The following TRAK1 variants were observed in gnomAD, a reference collection of about 807,000 sequenced individuals.
TRAK1 encodes trafficking kinesin-binding protein 1.
In TRAK1, 33 loss-of-function variants were observed where a neutral mutation model predicts 92.1. The observed-to-expected ratio is 0.36, with a 90% confidence interval of 0.27 to 0.48. The LOEUF is 0.48. TRAK1 is among the 20% of genes least tolerant of loss of function. The probability of loss-of-function intolerance (pLI) is 0.99; values close to 1 mark genes in which losing one functional copy is unlikely to be tolerated. For missense variants in TRAK1, 1,123 were observed against 1,257.9 expected, an observed-to-expected ratio of 0.89 and a Z score of 1.62; for synonymous variants, 521 against 517.3, an observed-to-expected ratio of 1.01 and a Z score of -0.10.
Position 42,168,355 on chromosome 3 carries a change from G to T in TRAK1, c.287-8459G>T, listed in dbSNP as rs544584551. Among the ~76,000 whole-genome samples the T allele has an allele frequency of 2.6e-5, 4 of 152,324 alleles. No individual in the cohort carries two copies. The South Asian group carries it at 8.3e-4, about 32-fold the overall frequency. On this transcript the variant is annotated intron_variant, in intron 2 of 15. Coordinates refer to ENST00000327628, the MANE Select transcript of TRAK1 (RefSeq NM_001042646.3). ...TACATTGTCATGTAACAGGGAAGTG[G>T]CTGGAATATGGCATGGTTCGGGGAT...
intron 1 of TRAK1, among the ~76,000 whole-genome samples, chr3:42,123,104 A>G (rs527268743): frequency 1.3e-5 from 2 of 152,168 alleles, no homozygotes; most frequent in East Asian, 3.9e-4. Context: ...GAATGGTAGG[A>G]AGCTGCGGGA....
At chr3:42,085,519 A>T (rs531353589), upstream of TRAK1, among the ~76,000 whole-genome samples, 3 of 152,182 alleles carry the variant, frequency 2.0e-5, no homozygotes, top group African/African-American at 7.2e-5. Flanking sequence ...CAGCTAAGGG[A>T]TACTCCGCCT....
Position 42,223,225 on chromosome 3 carries a change from A to C in TRAK1, c.2350A>C (p.Asn784His). ...KMAVIPSTPPNSPMQTPTSSP... is the reference protein window; with the variant it reads ...KMAVIPSTPPHSPMQTPTSSP... ...GGCTGTGATCCCCTCTACTCCGCCG[A>C]ACTCGCCTATGCAGACACCCACATC... Residue 784 changes from asparagine (N) to histidine (H), a missense_variant, in exon 16 of 16, where the codon AAC becomes CAC. Coordinates refer to ENST00000327628, the MANE Select transcript of TRAK1 (RefSeq NM_001042646.3). The surrounding 1 kb of genome is among the most constrained non-coding windows in gnomAD (Gnocchi z 6.1). 6.2e-7 allele frequency: 1 copy of C among 1,614,080 alleles called. No individual in the cohort carries two copies. The highest frequency in any genetic ancestry group is 8.5e-7 in the Non-Finnish European group (1 of 1,179,976).
upstream of TRAK1, among the ~76,000 whole-genome samples, chr3:42,086,027 C>T (rs1489083561): frequency 1.3e-5 from 2 of 152,204 alleles, no homozygotes. Flanking sequence ...TTTGAGATCT[C>T]TTGTGCTGAG....
At chr3:42,063,933 C>A (rs1278638178) in intron 1 of TRAK1, among the ~76,000 whole-genome samples, 1 of 152,154 alleles carries the variant, frequency 6.6e-6, no homozygotes, top group Admixed American at 6.5e-5. Flanking sequence ...CTAAAGAGAT[C>A]TGTAATTTCT....
In TRAK1 at chr3:42,200,829, G is replaced by A. The variant is rs371113304; in HGVS notation, c.1202G>A (p.Arg401His). ...AESPDITHQK[R>H]VFETVRNINQ... ...TGCATTCTCCCTAGTCACCAGAAGCGTGTCTTTGAGACAGTAAGAAACATC... is the reference window on the plus strand; with the variant it reads ...TGCATTCTCCCTAGTCACCAGAAGCATGTCTTTGAGACAGTAAGAAACATC... The change falls in exon 12 of 16, where the codon CGT becomes CAT. Residue 401 changes from arginine to histidine, a missense_variant. Around this residue, in one of 3 missense-constraint regions of TRAK1, gnomAD observed 686 missense variants for 747.6 expected, o/e 0.92. Coordinates refer to ENST00000327628, the MANE Select transcript of TRAK1 (RefSeq NM_001042646.3). The A allele has an allele frequency of 1.9e-5, 31 of 1,614,026 alleles. No homozygotes were observed. In the South Asian group the frequency reaches 2.1e-4, roughly 11 times the overall value.
intron 2 of TRAK1, among the ~76,000 whole-genome samples, chr3:42,152,575 G>A (rs957940992): frequency 3.3e-5 from 5 of 152,170 alleles, no homozygotes; most frequent in African/African-American, 7.2e-5. Context: ...TGCTTTGGGG[G>A]ATTCTTTACA....
chr3:42,081,077 A>G (rs915057928), intron 1 of TRAK1, among the ~76,000 whole-genome samples: 12 of 152,160 alleles, frequency 7.9e-5, no homozygotes, highest in African/African-American at 2.2e-4. Flanking sequence ...GGGTTCCACC[A>G]TGTTGCCCAG....
chr3:42,034,082 C>G (rs146776899), intron 1 of TRAK1, among the ~76,000 whole-genome samples: 51 of 152,318 alleles, frequency 3.3e-4, no homozygotes, highest in African/African-American at 9.9e-4. Context: ...AATGCCAGTC[C>G]TCCTATCCCT....
intron 1 of TRAK1, among the ~76,000 whole-genome samples, chr3:42,064,845 G>A (rs546613127): frequency 6.6e-6 from 1 of 152,214 alleles, no homozygotes; most frequent in South Asian, 2.1e-4. Context: ...GAGGTCAGGA[G>A]ATCAAGACCA....
intron 1 of TRAK1, among the ~76,000 whole-genome samples, chr3:42,079,575 G>T (rs902657908): frequency 6.6e-6 from 1 of 151,004 alleles, no homozygotes; most frequent in Non-Finnish European, 1.5e-5. Context: ...CTGCCTTCGG[G>T]TTCAAGCAAT....
intron 2 of TRAK1, among the ~76,000 whole-genome samples, chr3:42,139,937 G>A (rs536158399): frequency 2.0e-5 from 3 of 152,198 alleles, no homozygotes; most frequent in Admixed American, 1.3e-4. Flanking sequence ...CACCTGCTAC[G>A]TGACTTGCTG....
chr3:42,194,603 G>A (rs1490418223), intron 9 of TRAK1, among the ~76,000 whole-genome samples: 2 of 152,186 alleles, frequency 1.3e-5, no homozygotes, highest in Non-Finnish European at 2.9e-5. Context: ...GAAGATTTCT[G>A]AGTCTGTAAG....
chr3:42,023,744 G>GTTTTTTTTT (rs780080581), intron 1 of TRAK1, among the ~76,000 whole-genome samples: 1 of 99,054 alleles, frequency 1.0e-5, no homozygotes, highest in African/African-American at 4.5e-5. Context: ...GCTCGTGAGG[G>GTTTTTTTTT]TTTTTTTTTT....
At chr3:42,021,662 C>T (rs982224803) in intron 1 of TRAK1, among the ~76,000 whole-genome samples, 12 of 152,134 alleles carry the variant, frequency 7.9e-5, no homozygotes, top group African/African-American at 1.7e-4. Context: ...CTTCAACCTC[C>T]GTCTCCCTGG....
chr3:42,136,300 G>A (rs1282657083), intron 2 of TRAK1, among the ~76,000 whole-genome samples: 1 of 152,100 alleles, frequency 6.6e-6, no homozygotes, highest in Non-Finnish European at 1.5e-5. Flanking sequence ...ACCTGGCCTT[G>A]TAATGAACAC....
chr3:42,218,815 C>T (rs1199087399), intron 14 of TRAK1: 1 of 985,280 alleles, frequency 1.0e-6, no homozygotes, highest in East Asian at 1.1e-4. Context: ...GGTATGGGGA[C>T]CTGTCCTGCT....
At chr3:42,078,001 G>C (rs756919637) in intron 1 of TRAK1, among the ~76,000 whole-genome samples, 10 of 152,226 alleles carry the variant, frequency 6.6e-5, no homozygotes, top group Non-Finnish European at 1.0e-4. Flanking sequence ...ACAAGTGGGT[G>C]GTGGCACCAC....
intron 2 of TRAK1, among the ~76,000 whole-genome samples, chr3:42,140,622 A>G (rs990426381): frequency 1.4e-4 from 21 of 152,326 alleles, no homozygotes; most frequent in African/African-American, 5.1e-4. Flanking sequence ...GTGAGACTCC[A>G]TCTCTGAATA....
Sources: gnomAD v4.1 joint callset for allele counts (sites outside exome capture counted in the v4.1 genomes callset) on GRCh38, gnomAD v4.1.1 for gene constraint, gnomAD v4.1.1 regional missense constraint, Gnocchi (gnomAD v3.1) non-coding constraint, MANE v1.5 for transcripts, NCBI Gene and HGNC (gene_info 2026-07-23, HGNC 2026-07-21) for gene names.